The following LRRC71 variants were observed in gnomAD, a reference collection of about 807,000 sequenced individuals.
LRRC71 encodes the protein leucine rich repeat containing 71.
A neutral mutation model predicts 66.6 loss-of-function variants in LRRC71; 54 were observed. The observed-to-expected ratio is 0.81, with a 90% confidence interval of 0.65 to 1.02. The LOEUF is 1.02. Among genes scored for constraint, LRRC71 ranks in the 50% least tolerant of loss-of-function variants. The pLI is 0.00. For missense variants in LRRC71, 724 were observed against 718.0 expected (o/e 1.01, Z -0.10); for synonymous variants, 323 against 303.9 (o/e 1.06, Z -0.65).
chr1:156,924,390 G>A, intron 2 of LRRC71, 34 bp from the exon 3 acceptor site: 1 of 1,541,226 alleles, frequency 6.5e-7, no homozygotes, highest in Non-Finnish European at 8.7e-7. Flanking sequence ...CCTGGAGGTG[G>A]CTGTTCCCCT....
Position 156,924,939 on chromosome 1 carries a change from T to A in LRRC71, c.517T>A (p.Leu173Met). The A allele has an allele frequency of 6.4e-7, 1 of 1,551,600 alleles. No individual in the cohort carries two copies. Among genetic ancestry groups the A allele is most frequent in the Non-Finnish European group, 8.7e-7 (1 of 1,146,956 alleles). ...TTCTGCACTTCCCGCCCACGACAGC[T>A]TGTGGAAGGTGGGGCTGACCGATAA... The part of the protein sequence containing the change: ...PPLTQLQAIN[L>M]WKVGLTDKTL... Residue 173 changes from leucine (L) to methionine (M), a missense_variant and splice_region_variant, in exon 5 of 15, where the codon TTG becomes ATG. Coordinates refer to ENST00000337428, the MANE Select transcript of LRRC71 (RefSeq NM_144702.3).
chr1:156,922,528 G>A (rs1334591797), intron 1 of LRRC71, among the ~76,000 whole-genome samples: 2 of 152,178 alleles, frequency 1.3e-5, no homozygotes, highest in African/African-American at 2.4e-5. Context: ...AAGAAGCTAC[G>A]AGGTGAGATC....
At chr1:156,939,003 C>T in the LRRC71 span, 2 of 182,452 alleles carry the variant, frequency 1.1e-5, no homozygotes, top group African/African-American at 2.4e-5. Context: ...TTTCCCAACC[C>T]GGGGTGCCCT....
At position 156,929,373 on chromosome 1, in the gene LRRC71, AAGACGC is replaced by A; in HGVS notation, c.1095_1100del (p.Gln366_Thr367del). 6 of 1,613,856 alleles carry A rather than the reference AAGACGC, an allele frequency of 3.7e-6. No individual in the cohort carries two copies. The highest frequency in any genetic ancestry group is 5.1e-6 in the Non-Finnish European group (6 of 1,179,830). On this transcript the variant is annotated inframe_deletion, in exon 10 of 15. Coordinates refer to ENST00000337428, the MANE Select transcript of LRRC71 (RefSeq NM_144702.3). ...TAGTGCATTGGTGGACAAGACAGAC[AAGACGC>A]AGACAATGAAAACCCCTAAGGGCCT...
chr1:156,925,744 C>T (rs566771218), intron 5 of LRRC71, among the ~76,000 whole-genome samples: 38 of 152,194 alleles, frequency 2.5e-4, no homozygotes, highest in Non-Finnish European at 4.1e-4. Flanking sequence ...TTCATGGTGG[C>T]GGGGGGGTAC....
the LRRC71 span, among the ~76,000 whole-genome samples, chr1:156,941,062 T>TGG: frequency 1.3e-5 from 2 of 152,018 alleles, no homozygotes; most frequent in Non-Finnish European, 2.9e-5. Context: ...CAGTAACCCC[T>TGG]GGCTGGAGGA....
the LRRC71 span, chr1:156,938,323 T>TACAC: frequency 9.0e-7 from 1 of 1,106,196 alleles, no homozygotes; most frequent in African/African-American, 1.6e-5. Context: ...AGCTTGTGGG[T>TACAC]GTGTGTGTGA....
In LRRC71 at chr1:156,929,279, G is replaced by A. The variant is rs764168169; in HGVS notation, c.997-1G>A. ...CCCTTCCCTCCCATTTGTGAGCACA[G>A]CCCTCCTCCTCTCGACACGGGGACT... On this transcript the variant is annotated splice_acceptor_variant, in intron 9 of 14. Coordinates refer to ENST00000337428, the MANE Select transcript of LRRC71 (RefSeq NM_144702.3). LOFTEE classifies it high-confidence loss of function. 3 of 1,598,536 alleles carry A rather than the reference G, an allele frequency of 1.9e-6. No individual in the cohort carries two copies. The highest frequency in any genetic ancestry group is 1.7e-5 in the Admixed American group (1 of 57,520).
rs1283730216 is a variant in LRRC71 at position 156,924,707 on chromosome 1, A to C, written c.504A>C (p.Leu168=). The C allele has an allele frequency of 6.4e-7, 1 of 1,551,660 alleles. No individual in the cohort carries two copies. The highest frequency in any genetic ancestry group is 2.4e-5 in the East Asian group (1 of 40,906). The part of the protein sequence containing the change: ...FSKCLPPLTQ[L]QAINLWKVGL... ...AATGTCTGCCCCCGCTTACCCAGCT[A>C]CAGGCCATCAAGTGAGAGGCACTGA... The change falls in exon 4 of 15, where the codon CTA becomes CTC. Residue 168 remains leucine, a synonymous_variant. Coordinates refer to ENST00000337428, the MANE Select transcript of LRRC71 (RefSeq NM_144702.3).
At chr1:156,930,044 C>CTCTTTCTTTT (rs1553189672) in intron 11 of LRRC71, among the ~76,000 whole-genome samples, 5 of 127,906 alleles carry the variant, frequency 3.9e-5, no homozygotes, top group East Asian at 2.6e-4. Context: ...TTCTTTCTTT[C>CTCTTTCTTTT]TCTTTCTTTC....
chr1:156,927,439 C>A, intron 6 of LRRC71, 57 bp from the exon 7 acceptor site: 2 of 1,520,738 alleles, frequency 1.3e-6, no homozygotes, highest in South Asian at 1.3e-5. Context: ...CTCCCATATT[C>A]CGGCGGACGC....
downstream of LRRC71, chr1:156,935,871 TG>T: frequency 8.9e-7 from 1 of 1,117,420 alleles, no homozygotes; most frequent in South Asian, 1.6e-5. Context: ...GGGCCTTGGC[TG>T]GATCCTAGTT....
rs1311136603 is a variant in LRRC71 at position 156,920,824 on chromosome 1, G to T, written c.21G>T (p.Ala7=). The change falls in exon 1 of 15, where the codon GCG becomes GCT. Residue 7 remains alanine (A), a synonymous_variant. Coordinates refer to ENST00000337428, the MANE Select transcript of LRRC71 (RefSeq NM_144702.3). This position sits in a 1 kb window ranked among gnomAD's most constrained non-coding sequence, Gnocchi z 4.9. Reference sequence around the variant, plus strand: ...CCAGCATGTCGAGCGAGCAGAGCGCGCCGGGGGCCTCACCCAGGGCCCCGC... The same window carrying T: ...CCAGCATGTCGAGCGAGCAGAGCGCTCCGGGGGCCTCACCCAGGGCCCCGC... The part of the protein sequence containing the change: MSSEQS[A]PGASPRAPRP... The T allele has an allele frequency of 1.3e-6, 2 of 1,530,810 alleles. No homozygotes were observed. The highest frequency in any genetic ancestry group is 2.1e-5 in the Admixed American group (1 of 48,396). The allele number at this position is 1,530,810 out of a possible 1,614,324, so 94.8% of individuals were successfully genotyped here.
chr1:156,938,321 G>GT, the LRRC71 span: 1 of 1,108,788 alleles, frequency 9.0e-7, no homozygotes, highest in Non-Finnish European at 1.3e-6. Context: ...GGAGCTTGTG[G>GT]GTGTGTGTGT....
intron 5 of LRRC71, among the ~76,000 whole-genome samples, chr1:156,925,756 C>T (rs1653103322): frequency 6.6e-6 from 1 of 152,200 alleles, no homozygotes; most frequent in Non-Finnish European, 1.5e-5. Flanking sequence ...GGGGGGTACC[C>T]CTCCATGCAG....
At chr1:156,929,762 T>G in intron 11 of LRRC71, 33 bp downstream of exon 11, 1 of 1,528,086 alleles carries the variant, frequency 6.5e-7, no homozygotes, top group Non-Finnish European at 8.9e-7. Context: ...GGCATCTTCC[T>G]GTGTGGAGGA....
downstream of LRRC71, among the ~76,000 whole-genome samples, chr1:156,934,078 ATT>A (rs1654703145): frequency 6.6e-6 from 1 of 152,134 alleles, no homozygotes; most frequent in Non-Finnish European, 1.5e-5. Context: ...CACTGAACAC[ATT>A]GAGGTGCTGG....
At chr1:156,929,037 T>A (rs1368917718) in intron 9 of LRRC71, among the ~76,000 whole-genome samples, 1 of 152,158 alleles carries the variant, frequency 6.6e-6, no homozygotes, top group Non-Finnish European at 1.5e-5. Context: ...CCCCTCAATA[T>A]AAGTCTGAGA....
chr1:156,928,096 T>G, intron 9 of LRRC71, 92 bp downstream of exon 9: 5 of 1,143,840 alleles, frequency 4.4e-6, no homozygotes, highest in Non-Finnish European at 6.4e-6. Flanking sequence ...AAACTGGCCA[T>G]CCAGTTTAAT....
Sources: allele counts gnomAD v4.1 joint callset (sites outside exome capture counted in the v4.1 genomes callset), GRCh38; gene constraint gnomAD v4.1.1; non-coding constraint Gnocchi (gnomAD v3.1); transcripts MANE v1.5; gene names NCBI Gene and HGNC (gene_info 2026-07-23, HGNC 2026-07-21).